Variants in CCNF observed in about 807,000 individuals in gnomAD.
CCNF encodes cyclin F, also known as cyclin-F.
In CCNF, 30 loss-of-function variants were observed where a neutral mutation model predicts 85.4. The observed-to-expected ratio is 0.35, with a 90% CI of 0.26 to 0.48. The LOEUF is 0.48. CCNF is among the 20% of genes least tolerant of loss of function. The probability of loss-of-function intolerance (pLI) is 0.99; values close to 1 mark genes in which losing one functional copy is unlikely to be tolerated. For missense variants in CCNF, 919 were observed against 1,010.4 expected, an observed-to-expected ratio of 0.91 and a Z score of 1.23; for synonymous variants, 439 against 425.1, an observed-to-expected ratio of 1.03 and a Z score of -0.40.
At chr16:2,429,551 C>T (rs2065252266) in intron 1 of CCNF, 54 bp downstream of exon 1, 2 of 1,225,044 alleles carry the variant, frequency 1.6e-6, no homozygotes, top group Admixed American at 4.3e-5. Context: ...TCTGCCTGCC[C>T]TGCGGGGCGG....
In CCNF at chr16:2,452,061, C is replaced by T. The variant is rs980149722; in HGVS notation, c.1488-1149C>T. 3.3e-5 allele frequency among the ~76,000 whole-genome samples: 5 copies of T among 152,250 alleles called. No individual in the cohort carries two copies. The highest frequency in any genetic ancestry group is 7.3e-5 in the Non-Finnish European group (5 of 68,040). On this transcript the variant is annotated intron_variant, in intron 13 of 16. Transcript: ENST00000397066. The surrounding 1 kb of genome is among the most constrained non-coding windows in gnomAD (Gnocchi z 4.1). ...CTCCATCCCTGCATCCTCGTCAGTG[C>T]AGTTTCCTCGTGCGCTCACAGCTTG... is the stretch of plus-strand genomic sequence containing the variant.
Position 2,448,977 on chromosome 16 carries a change from G to A in CCNF, c.1217G>A (p.Arg406Gln), listed in dbSNP as rs146438723. The A allele has an allele frequency of 2.0e-3, 3,179 of 1,613,722 alleles. 15 individuals are homozygous for A. The highest frequency in any genetic ancestry group is 8.7e-3 in the Middle Eastern group (53 of 6,062). Residue 406 changes from arginine (R) to glutamine (Q), a missense_variant and splice_region_variant, in exon 11 of 17, where the codon CGA becomes CAA. By Grantham distance (43) the Arg-to-Gln change is conservative (BLOSUM62 1). Coordinates refer to ENST00000397066, the MANE Select transcript of CCNF (RefSeq NM_001761.3). ...GTCTCCGCCTTGGAAGGGAAGATTC[G>A]AGTAAGCAGCGGTTCCATTTTCCTT... ...EIVSALEGKI[R>Q]VPTVVDYKEV...
chr16:2,453,555 C>A lies in CCNF; in HGVS notation c.1715+18C>A, dbSNP rs772955914. The A allele has an allele frequency of 6.2e-7, 1 of 1,613,578 alleles. No homozygotes were observed. The highest frequency in any genetic ancestry group is 1.3e-5 in the African/African-American group (1 of 74,940). On this transcript the variant is annotated intron_variant, in intron 15 of 16. Coordinates refer to ENST00000397066, the MANE Select transcript of CCNF (RefSeq NM_001761.3). This position sits in a 1 kb window ranked among gnomAD's most constrained non-coding sequence, Gnocchi z 5.6. ...ACCAAACGGTTAGTTACCCTGCGTT[C>A]TGGCTGCGCCATACAATGCTGGCAT... is the stretch of plus-strand genomic sequence containing the variant.
Position 2,443,169 on chromosome 16 carries a change from TATATATATAATATATA to T in CCNF, c.778-470_778-455del, listed in dbSNP as rs1370502900. 1.5e-3 allele frequency among the ~76,000 whole-genome samples: 15 copies of T among 9,840 alleles called. No individual in the cohort carries two copies. In the African/African-American group the frequency reaches 0.04, roughly 26 times the overall value. The allele number at this position is 9,840 out of a possible 152,430, so 6.5% of individuals were successfully genotyped here. ...TGTATATAATATATATTATATATAA[TATATATATAATATATA>T]ATATATATATATTTCTCTGTTTTTG... On this transcript the variant is annotated intron_variant, in intron 8 of 16. Transcript: ENST00000397066.
intron 9 of CCNF, among the ~76,000 whole-genome samples, chr16:2,444,902 T>C (rs903559712): frequency 1.8e-4 from 2 of 10,920 alleles, no homozygotes; most frequent in East Asian, 8.3e-3. Flanking sequence ...TTGAACATCT[T>C]TTTTTTTTTT....
chr16:2,450,150 T>A (rs974152667), intron 13 of CCNF, among the ~76,000 whole-genome samples: 1 of 150,226 alleles, frequency 6.7e-6, no homozygotes, highest in African/African-American at 2.5e-5. Context: ...GAGGTTGCAG[T>A]GAGTTGATAT....
At chr16:2,449,772 C>A in intron 12 of CCNF, 56 bp from the exon 13 acceptor site, 1 of 834,856 alleles carries the variant, frequency 1.2e-6, no homozygotes. Flanking sequence ...CCTCCGTCCC[C>A]TCCATCCCCT....
Position 2,453,581 on chromosome 16 carries a change from C to T in CCNF, c.1715+44C>T, listed in dbSNP as rs2065407520. 1.2e-6 allele frequency: 2 copies of T among 1,610,766 alleles called. No homozygotes were observed. Among genetic ancestry groups the T allele is most frequent in the Admixed American group, 1.7e-5 (1 of 59,952 alleles). On this transcript the variant is annotated intron_variant, in intron 15 of 16. Coordinates refer to ENST00000397066, the MANE Select transcript of CCNF (RefSeq NM_001761.3). This position sits in a 1 kb window ranked among gnomAD's most constrained non-coding sequence, Gnocchi z 5.6. ...TGGCTGCGCCATACAATGCTGGCAT[C>T]CTCGTGCCGGCCCAGTTCCCTCAGC...
At chr16:2,455,075 A>C (rs987249762) in intron 15 of CCNF, among the ~76,000 whole-genome samples, 22 of 151,666 alleles carry the variant, frequency 1.5e-4, no homozygotes, top group Admixed American at 7.9e-4. Context: ...AAAAAAAAAA[A>C]AAAAAAACAC....
chr16:2,429,785 T>C (rs2065253652), intron 1 of CCNF, among the ~76,000 whole-genome samples: 1 of 141,094 alleles, frequency 7.1e-6, no homozygotes, highest in Non-Finnish European at 1.5e-5. Flanking sequence ...GATCCGGCGA[T>C]CGGGTCCCGG....
intron 9 of CCNF, 103 bp downstream of exon 9, chr16:2,443,903 G>A (rs2065346430): frequency 6.6e-6 from 7 of 1,062,142 alleles, no homozygotes; most frequent in Admixed American, 2.4e-5. Context: ...TGACAGGGCG[G>A]CATAGAGTTC....
At chr16:2,431,525 C>T (rs2065262423) in intron 2 of CCNF, among the ~76,000 whole-genome samples, 1 of 151,740 alleles carries the variant, frequency 6.6e-6, no homozygotes, top group Non-Finnish European at 1.5e-5. Flanking sequence ...ACTAAAAATA[C>T]AAAAATTAGC....
At position 2,455,538 on chromosome 16, in the gene CCNF, A is replaced by G; in HGVS notation, c.1859A>G (p.Glu620Gly). 1 of 1,601,326 alleles carries G rather than the reference A, an allele frequency of 6.2e-7. No individual in the cohort carries two copies. Among genetic ancestry groups the G allele is most frequent in the East Asian group, 2.3e-5 (1 of 44,426 alleles). Residue 620 changes from glutamate (E) to glycine (G), a missense_variant, in exon 16 of 17, where the codon GAG (glutamate) becomes GGG (glycine). Glu to Gly is a moderately conservative substitution (Grantham distance 98). Around this residue, in one of 3 missense-constraint regions of CCNF, gnomAD observed 505 missense variants for 514.8 expected, o/e 0.98. Transcript: ENST00000397066. ...DCCSGYEGDQ[E>G]SEGEKEGDVT... ...TGCTCTGGCTATGAAGGCGACCAGG[A>G]GAGTGAGGGCGAGAAGGAGGGCGAC... is the stretch of plus-strand genomic sequence containing the variant.
chr16:2,443,701 G>C lies in CCNF; in HGVS notation c.830G>C (p.Arg277Thr), dbSNP rs765542237. Residue 277 changes from arginine to threonine, a missense_variant, in exon 9 of 17, where the codon AGA (arginine) becomes ACA (threonine). By Grantham distance (71) the Arg-to-Thr change is moderately conservative. Transcript: ENST00000397066. ...GCAAACCAGCTTGGACTGGAGGTGA[G>C]AGCTTCCAGTGAGATCGTCTGCCAG... ...ANANQLGLEV[R>T]ASSEIVCQLF... 9 of 1,613,918 alleles carry C rather than the reference G, an allele frequency of 5.6e-6. No individual in the cohort carries two copies. Among genetic ancestry groups the C allele is most frequent in the Non-Finnish European group, 6.8e-6 (8 of 1,179,792 alleles).
chr16:2,436,955 G>A, intron 4 of CCNF, 174 bp from the exon 5 acceptor site: 1 of 510,556 alleles, frequency 2.0e-6, no homozygotes, highest in Non-Finnish European at 3.5e-6. Context: ...CATTAATGAA[G>A]TAGGGGGAGA....
chr16:2,438,021 G>T, intron 5 of CCNF, 49 bp from the exon 6 acceptor site: 1 of 1,317,672 alleles, frequency 7.6e-7, no homozygotes. Flanking sequence ...GGTGGCCCCC[G>T]GGCAGTTCTC....
chr16:2,443,129 T>C (rs941735835), intron 8 of CCNF, among the ~76,000 whole-genome samples: 2 of 134,206 alleles, frequency 1.5e-5, no homozygotes, highest in Non-Finnish European at 3.1e-5. Context: ...ATATTATATA[T>C]TATATGTTTT....
Position 2,443,745 on chromosome 16 carries a change from G to C in CCNF, c.874G>C (p.Ala292Pro), listed in dbSNP as rs778470923. 2 of 1,614,128 alleles carry C rather than the reference G, an allele frequency of 1.2e-6. No homozygotes were observed. The highest frequency in any genetic ancestry group is 3.3e-5 in the Admixed American group (2 of 60,000). ...IVCQLFQASQ[A>P]VSKQQVFSVQ... is the part of the protein sequence containing the mutation. ...CTGCCAGCTATTTCAGGCTTCCCAG[G>C]CTGTCAGTAAACAACAAGTCTTCTC... Residue 292 changes from alanine to proline, a missense_variant, in exon 9 of 17, where the codon GCT becomes CCT. Physicochemically the swap from Ala to Pro is conservative, Grantham distance 27. Around this residue, in one of 3 missense-constraint regions of CCNF, gnomAD observed 410 missense variants for 478.6 expected, o/e 0.86. Coordinates refer to ENST00000397066, the MANE Select transcript of CCNF (RefSeq NM_001761.3).
rs921581795 is a variant in CCNF, at chr16:2,456,033, C to T, written c.1885+469C>T. Among the ~76,000 whole-genome samples the T allele has an allele frequency of 1.8e-4, 28 of 152,326 alleles. No homozygotes were observed. Among genetic ancestry groups the T allele is most frequent in the Admixed American group, 3.9e-4 (6 of 15,308 alleles). On this transcript the variant is annotated intron_variant, in intron 16 of 16. Coordinates refer to ENST00000397066, the MANE Select transcript of CCNF (RefSeq NM_001761.3). This position sits in a 1 kb window ranked among gnomAD's most constrained non-coding sequence, Gnocchi z 4.5. ...AAAATTAGCTGGGCATCGTGGCGTG[C>T]GCCTGTGGTCCCAGCTACTCAGGAG...
Sources: allele counts gnomAD v4.1 joint callset (sites outside exome capture counted in the v4.1 genomes callset), GRCh38; gene constraint gnomAD v4.1.1; regional missense constraint gnomAD v4.1.1; non-coding constraint Gnocchi (gnomAD v3.1); transcripts MANE v1.5; gene names NCBI Gene and HGNC (gene_info 2026-07-23, HGNC 2026-07-21).